Variants in CCDC144A observed in about 807,000 individuals in gnomAD.
The protein encoded by CCDC144A is coiled-coil domain containing 144A, also known as coiled-coil domain-containing protein 144A.
CCDC144A carries 41 observed loss-of-function variants against 143.8 expected under a neutral mutation model. The ratio of observed to expected loss-of-function variants is 0.29; its 90% CI spans 0.22 to 0.37. CCDC144A has a LOEUF of 0.37. Ranked by LOEUF, CCDC144A falls within the 10% of genes least tolerant of loss-of-function variation. The pLI is 1.00. For synonymous variants in CCDC144A, 242 were observed against 517.9 expected (o/e 0.47, Z 7.23); for missense variants, 637 against 1,488.8 (o/e 0.43, Z 9.41).
At chr17:16,703,568 G>A (rs1441271269) in intron 2 of CCDC144A, among the ~76,000 whole-genome samples, 1 of 152,204 alleles carries the variant, frequency 6.6e-6, no homozygotes, top group Non-Finnish European at 1.5e-5. Context: ...ACTTTGGGAG[G>A]CCAAGGCGGG....
intron 12 of CCDC144A, among the ~76,000 whole-genome samples, chr17:16,753,978 T>G (rs1165761341): frequency 1.3e-5 from 2 of 152,246 alleles, no homozygotes; most frequent in Non-Finnish European, 2.9e-5. Flanking sequence ...CTTTCTTTGT[T>G]GGTAAACTTT....
intron 12 of CCDC144A, among the ~76,000 whole-genome samples, chr17:16,744,327 C>T (rs3913692): frequency 0.058 from 8,783 of 152,206 alleles, 837 homozygotes; most frequent in African/African-American, 0.2. Flanking sequence ...ATTAGAATTC[C>T]CTTTTCACTG....
chr17:16,693,443 G>A (rs1212504582), intron 2 of CCDC144A, among the ~76,000 whole-genome samples: 1 of 151,982 alleles, frequency 6.6e-6, no homozygotes, highest in African/African-American at 2.4e-5. Flanking sequence ...AGCCTGCGGA[G>A]TAGCTGGGAC....
chr17:16,717,645 CTT>C (rs910029223), intron 6 of CCDC144A, among the ~76,000 whole-genome samples: 2 of 152,144 alleles, frequency 1.3e-5, no homozygotes, highest in African/African-American at 4.8e-5. Flanking sequence ...TATATCAACT[CTT>C]AAACTACACA....
At chr17:16,765,712 T>C (rs1218330366) in intron 15 of CCDC144A, 1 of 151,268 alleles carries the variant, frequency 6.6e-6, no homozygotes, top group Admixed American at 6.6e-5. Context: ...ATGATTGTTT[T>C]AATACATAGA....
Position 16,724,999 on chromosome 17 carries a change from G to T in CCDC144A, c.1892-2528G>T, listed in dbSNP as rs574888926. On this transcript the variant is annotated intron_variant, in intron 8 of 16. Transcript: ENST00000399273. Reference sequence around the variant, plus strand: ...ATTAGGAAATGACTGTTTATAGCTGGTAATTTTTTTTTTTTTTTTTTTTTT... The same window carrying T: ...ATTAGGAAATGACTGTTTATAGCTGTTAATTTTTTTTTTTTTTTTTTTTTT... 5.4e-3 allele frequency among the ~76,000 whole-genome samples: 397 copies of T among 73,756 alleles called. 5 individuals carry two copies. Among genetic ancestry groups the T allele is most frequent in the African/African-American group, 0.019 (380 of 19,882 alleles). 48.4% of individuals were successfully genotyped at this position (73,756 alleles called of 152,430 possible). A position where few individuals can be genotyped will look rare whatever the true frequency, so the allele number is the denominator to read the frequency against.
chr17:16,697,508 T>C (rs942323436), intron 2 of CCDC144A, among the ~76,000 whole-genome samples: 2 of 152,240 alleles, frequency 1.3e-5, no homozygotes, highest in African/African-American at 4.8e-5. Context: ...TTTGCATTTA[T>C]CAGAGCTATA....
At chr17:16,731,140 T>C (rs1433066002) in intron 9 of CCDC144A, 1 of 152,240 alleles carries the variant, frequency 6.6e-6, no homozygotes, top group East Asian at 1.9e-4. Flanking sequence ...TATTAGATCC[T>C]GTCTTGTTCC....
chr17:16,775,887 G>GT lies in CCDC144A; in HGVS notation c.*2256dup, dbSNP rs1915985951. 6.6e-6 allele frequency: 1 copy of GT among 152,200 alleles called. No individual in the cohort carries two copies. The highest frequency in any genetic ancestry group is 2.4e-5 in the African/African-American group (1 of 41,446). The allele number at this position is 152,200 out of a possible 1,614,324, so 9.4% of individuals were successfully genotyped here. ...ATCTTGAGTTAACTTTTGTATATGG[G>GT]TTAAGGAAGGGGTCCCGTTTCAATT... On this transcript the variant is annotated 3_prime_UTR_variant, in exon 17 of 17. Coordinates refer to ENST00000399273, the MANE Select transcript of CCDC144A (RefSeq NM_001382000.1).
At chr17:16,682,448 G>T in the CCDC144A span, among the ~76,000 whole-genome samples, 1 of 152,026 alleles carries the variant, frequency 6.6e-6, no homozygotes, top group African/African-American at 2.4e-5. Context: ...AAGTCAGACG[G>T]TGCTGGGTGT....
chr17:16,688,853 C>G (rs557435222), upstream of CCDC144A, among the ~76,000 whole-genome samples: 7 of 152,272 alleles, frequency 4.6e-5, no homozygotes, highest in South Asian at 1.5e-3. Context: ...TACATAGTTA[C>G]ATTTCTTCTT....
At chr17:16,753,058 T>C (rs1750461560) in intron 12 of CCDC144A, among the ~76,000 whole-genome samples, 3 of 123,734 alleles carry the variant, frequency 2.4e-5, no homozygotes, top group African/African-American at 9.4e-5. Flanking sequence ...ACCCCTTCCT[T>C]AGTTTCTGGA....
At position 16,713,028 on chromosome 17, in the gene CCDC144A, AT is replaced by A. The variant is rs1912541118; in HGVS notation, c.1715+1215del. 7.3e-5 allele frequency among the ~76,000 whole-genome samples: 11 copies of A among 151,590 alleles called. No homozygotes were observed. The South Asian group carries it at 2.1e-3, about 29-fold the overall frequency. Reference sequence around the variant, plus strand: ...ACCAGATCCTCAAATTAATCTGAATATTGCCAAGGGATTGCACATGGGGATT... The same window carrying A: ...ACCAGATCCTCAAATTAATCTGAATATGCCAAGGGATTGCACATGGGGATT... On this transcript the variant is annotated intron_variant, in intron 6 of 16. Coordinates refer to ENST00000399273, the MANE Select transcript of CCDC144A (RefSeq NM_001382000.1).
intron 11 of CCDC144A, 37 bp from the exon 12 acceptor site, chr17:16,734,653 T>A: frequency 6.9e-7 from 1 of 1,451,570 alleles, no homozygotes; most frequent in Admixed American, 2.8e-5. Context: ...ATCTGTCATT[T>A]TATTGAGTGC....
At chr17:16,763,139 T>C (rs994822687) in intron 14 of CCDC144A, among the ~76,000 whole-genome samples, 1 of 151,096 alleles carries the variant, frequency 6.6e-6, no homozygotes, top group African/African-American at 2.5e-5. Flanking sequence ...AAGGGAAGTA[T>C]AACTTACTAA....
chr17:16,715,865 T>C (rs1279174035), intron 6 of CCDC144A, among the ~76,000 whole-genome samples: 1 of 152,162 alleles, frequency 6.6e-6, no homozygotes, highest in Non-Finnish European at 1.5e-5. Flanking sequence ...CTCCCAGGCT[T>C]GTGGATTGGA....
intron 15 of CCDC144A, chr17:16,765,791 A>G (rs538008236): frequency 1.0e-3 from 152 of 152,328 alleles, no homozygotes; most frequent in African/African-American, 3.6e-3. Flanking sequence ...TCTGAAAAAA[A>G]TGAGATGATC....
rs1231413581 is a variant in CCDC144A, at chr17:16,777,763, A to C, written c.*4130A>C. On this transcript the variant is annotated 3_prime_UTR_variant, in exon 17 of 17. Transcript: ENST00000399273. ...TTAAATGCCTATATCAAAAAGTCTG[A>C]AAGAGCACAAATAAACAATCTAAGG... 7.1e-6 allele frequency: 1 copy of C among 140,236 alleles called. No homozygotes were observed. The highest frequency in any genetic ancestry group is 1.5e-5 in the Non-Finnish European group (1 of 66,602). The allele number at this position is 140,236 out of a possible 1,614,324, so 8.7% of individuals were successfully genotyped here.
chr17:16,686,872 G>T (rs772859400), upstream of CCDC144A, among the ~76,000 whole-genome samples: 14 of 151,930 alleles, frequency 9.2e-5, no homozygotes, highest in Non-Finnish European at 1.8e-4. Flanking sequence ...AGGGATGCAG[G>T]AATAGGCCTT....
Sources: gnomAD v4.1 joint callset for allele counts (sites outside exome capture counted in the v4.1 genomes callset) on GRCh38, gnomAD v4.1.1 for gene constraint, MANE v1.5 for transcripts, NCBI Gene and HGNC (gene_info 2026-07-23, HGNC 2026-07-21) for gene names.